Variants in MYO7B observed in about 807,000 individuals in gnomAD.
MYO7B encodes myosin VIIB.
A neutral mutation model predicts 259.7 loss-of-function variants in MYO7B; 212 were observed. That is an observed-to-expected ratio of 0.82 (90% CI 0.73 to 0.91). MYO7B has a LOEUF of 0.91. Ranked by LOEUF, MYO7B falls within the 40% of genes least tolerant of loss-of-function variation. The probability of loss-of-function intolerance (pLI) is 0.00; values close to 1 mark genes in which losing one functional copy is unlikely to be tolerated. For synonymous variants in MYO7B, 1,197 were observed against 1,166.4 expected (o/e 1.03, Z -0.54); for missense variants, 2,732 against 2,813.5 (o/e 0.97, Z 0.66).
At chr2:127,617,062 T>G (rs1316412304) in intron 26 of MYO7B, among the ~76,000 whole-genome samples, 2 of 152,150 alleles carry the variant, frequency 1.3e-5, no homozygotes, top group African/African-American at 4.8e-5. Context: ...GTTACCAAAT[T>G]AGCCATTGCC....
At position 127,609,654 on chromosome 2, in the gene MYO7B, C is replaced by A; in HGVS notation, c.2963C>A (p.Thr988Lys). ...TACTTCCAGAAATCAGCCAGCCACA[C>A]ACACATCCGGCGGCCCCTCCGATAC... ...VTYFQKSASH[T>K]HIRRPLRYPL... Residue 988 changes from threonine (T) to lysine (K), a missense_variant, in exon 23 of 48, where the codon ACA (threonine) becomes AAA (lysine). Transcript: ENST00000409816. This position sits in a 1 kb window ranked among gnomAD's most constrained non-coding sequence, Gnocchi z 6.9. The A allele has an allele frequency of 6.2e-7, 1 of 1,614,012 alleles. No homozygotes were observed. The highest frequency in any genetic ancestry group is 8.5e-7 in the Non-Finnish European group (1 of 1,179,898).
chr2:127,590,296 T>C lies in MYO7B; in HGVS notation c.1992+67T>C. On this transcript the variant is annotated intron_variant, in intron 16 of 47. Coordinates refer to ENST00000409816, the MANE Select transcript of MYO7B (RefSeq NM_001393586.1). This position sits in a 1 kb window ranked among gnomAD's most constrained non-coding sequence, Gnocchi z 4.6. The stretch of plus-strand genomic sequence containing the variant: ...AGGAGGCTGATGGCCTCTAGGGTTG[T>C]GGTCACTCCCTCTGCCAGGGCCTGG... 6.2e-7 allele frequency: 1 copy of C among 1,603,204 alleles called. No homozygotes were observed. Among genetic ancestry groups the C allele is most frequent in the Non-Finnish European group, 8.5e-7 (1 of 1,173,674 alleles).
At chr2:127,569,348 C>G (rs573418066) in intron 5 of MYO7B, among the ~76,000 whole-genome samples, 2 of 152,216 alleles carry the variant, frequency 1.3e-5, no homozygotes, top group Admixed American at 1.3e-4. Context: ...TTTGCAAACT[C>G]CAAAGTGCAG....
chr2:127,620,885 T>A (rs1680810678), intron 27 of MYO7B, among the ~76,000 whole-genome samples: 1 of 152,256 alleles, frequency 6.6e-6, no homozygotes, highest in Admixed American at 6.5e-5. Flanking sequence ...CAAGCTTCAC[T>A]GATTTAATAT....
intron 10 of MYO7B, among the ~76,000 whole-genome samples, chr2:127,581,195 G>C (rs1679084529): frequency 6.6e-6 from 1 of 152,112 alleles, no homozygotes; most frequent in African/African-American, 2.4e-5. Flanking sequence ...CACCCCGCAG[G>C]GCTTCTCCGG....
chr2:127,637,308 C>T lies in MYO7B; in HGVS notation c.6328-8C>T, dbSNP rs1366385329. On this transcript the variant is annotated splice_region_variant and splice_polypyrimidine_tract_variant and intron_variant, in intron 47 of 47. Transcript: ENST00000409816. ...CCACAGCCTCTGACCCCCCCGTCCCCTGTCCAGGGCTATAAGATGGATGAC... is the reference window on the plus strand; with the variant it reads ...CCACAGCCTCTGACCCCCCCGTCCCTTGTCCAGGGCTATAAGATGGATGAC... 8.3e-6 allele frequency: 13 copies of T among 1,571,920 alleles called. No homozygotes were observed. The highest frequency in any genetic ancestry group is 1.2e-5 in the South Asian group (1 of 85,490).
At chr2:127,593,422 G>A (rs1204444739) in intron 17 of MYO7B, 124 bp from the exon 18 acceptor site, 2 of 913,906 alleles carry the variant, frequency 2.2e-6, no homozygotes, top group Non-Finnish European at 3.3e-6. Flanking sequence ...CTGTGCCTGG[G>A]CGGGGGTGGG....
In MYO7B at chr2:127,625,337, C is replaced by T. The variant is rs774356452; in HGVS notation, c.4048-31C>T. 9.4e-6 allele frequency: 14 copies of T among 1,484,368 alleles called. No homozygotes were observed. In the South Asian group the frequency reaches 1.9e-4, roughly 20 times the overall value. The allele number at this position is 1,484,368 out of a possible 1,614,324, so 91.9% of individuals were successfully genotyped here. ...AAGGGGGGAGCTCTCACTTGTCTCA[C>T]TCGCCCCCGTGGGTGCCCTGGGCTG... On this transcript the variant is annotated intron_variant, in intron 30 of 47. Coordinates refer to ENST00000409816, the MANE Select transcript of MYO7B (RefSeq NM_001393586.1).
chr2:127,635,649 T>G (rs1681757928), intron 43 of MYO7B, 73 bp from the exon 44 acceptor site: 1 of 1,470,658 alleles, frequency 6.8e-7, no homozygotes. Flanking sequence ...CCCCACCATC[T>G]GAGCGGGAAA....
intron 9 of MYO7B, among the ~76,000 whole-genome samples, chr2:127,579,138 G>C (rs1278286529): frequency 2.6e-5 from 4 of 152,202 alleles, no homozygotes; most frequent in Admixed American, 2.6e-4. Flanking sequence ...GGAATGGCGG[G>C]AGATGTCAGA....
intron 40 of MYO7B, among the ~76,000 whole-genome samples, chr2:127,633,793 G>A (rs904811218): frequency 6.6e-6 from 1 of 152,180 alleles, no homozygotes; most frequent in African/African-American, 2.4e-5. Context: ...CCGTGACACA[G>A]AGGCCTTGAT....
At position 127,584,705 on chromosome 2, in the gene MYO7B, G is replaced by C; in HGVS notation, c.1555-73G>C. On this transcript the variant is annotated intron_variant, in intron 13 of 47. Transcript: ENST00000409816. The surrounding 1 kb of genome is among the most constrained non-coding windows in gnomAD (Gnocchi z 5.8). Reference sequence around the variant, plus strand: ...GCCCAGATCTCTTTGCCTCCATGAGGAAGTCCCTGAGCCTCACCTCCCCAT... The same window carrying C: ...GCCCAGATCTCTTTGCCTCCATGAGCAAGTCCCTGAGCCTCACCTCCCCAT... 6.4e-7 allele frequency: 1 copy of C among 1,562,828 alleles called. No individual in the cohort carries two copies. Among genetic ancestry groups the C allele is most frequent in the African/African-American group, 1.4e-5 (1 of 73,472 alleles).
Position 127,632,301 on chromosome 2 carries a change from C to G in MYO7B, c.5305C>G (p.Pro1769Ala), listed in dbSNP as rs761027991. The G allele has an allele frequency of 9.3e-6, 15 of 1,611,388 alleles. No individual in the cohort carries two copies. The highest frequency in any genetic ancestry group is 1.3e-5 in the Non-Finnish European group (15 of 1,179,366). Reference protein sequence around the residue: ...LLWLCTGLFPPSKGLLPHAQK... With the variant: ...LLWLCTGLFPASKGLLPHAQK... ...GTGGCTGTGCACGGGCCTCTTCCCG[C>G]CCAGCAAGGGGCTGCTGCCCCATGC... is the stretch of plus-strand genomic sequence containing the variant. The change falls in exon 39 of 48, where the codon CCC becomes GCC. Residue 1769 changes from proline to alanine, a missense_variant. Pro to Ala is a conservative substitution (Grantham distance 27). Coordinates refer to ENST00000409816, the MANE Select transcript of MYO7B (RefSeq NM_001393586.1).
chr2:127,540,750 A>G (rs997949418), intron 1 of MYO7B, among the ~76,000 whole-genome samples: 8 of 152,334 alleles, frequency 5.3e-5, no homozygotes, highest in Non-Finnish European at 1.2e-4. Context: ...TTCAAAGGCT[A>G]TCTCTACAGT....
At position 127,628,987 on chromosome 2, in the gene MYO7B, C is replaced by G. The variant is rs1355176139; in HGVS notation, c.4624+452C>G. Among the ~76,000 whole-genome samples, 1 of 152,200 alleles carries G rather than the reference C, an allele frequency of 6.6e-6. No individual in the cohort carries two copies. The highest frequency in any genetic ancestry group is 1.5e-5 in the Non-Finnish European group (1 of 68,032). ...AGCCTAGTTCTTGGCCACAGCTCTCCCACAAGCCAGCACTCCATCGAGAGC... is the reference window on the plus strand; with the variant it reads ...AGCCTAGTTCTTGGCCACAGCTCTCGCACAAGCCAGCACTCCATCGAGAGC... On this transcript the variant is annotated intron_variant, in intron 34 of 47. Coordinates refer to ENST00000409816, the MANE Select transcript of MYO7B (RefSeq NM_001393586.1). This position sits in a 1 kb window ranked among gnomAD's most constrained non-coding sequence, Gnocchi z 4.8.
intron 14 of MYO7B, 58 bp from the exon 15 acceptor site, chr2:127,588,334 C>A: frequency 6.3e-7 from 1 of 1,584,196 alleles, no homozygotes; most frequent in Non-Finnish European, 8.6e-7. Flanking sequence ...CTCTTCTTCC[C>A]CATGGGTGGG....
At chr2:127,625,106 C>A (rs1681038426) in intron 30 of MYO7B, among the ~76,000 whole-genome samples, 2 of 152,220 alleles carry the variant, frequency 1.3e-5, no homozygotes, top group South Asian at 4.1e-4. Context: ...CTCAGAGCAA[C>A]CCTGCTGGGT....
At chr2:127,562,121 C>T (rs1292457332) in intron 2 of MYO7B, among the ~76,000 whole-genome samples, 1 of 152,038 alleles carries the variant, frequency 6.6e-6, no homozygotes, top group Non-Finnish European at 1.5e-5. Flanking sequence ...CCCTTAGGAC[C>T]TTATTTAACC....
chr2:127,637,076 C>G (rs1466641525), intron 47 of MYO7B, 163 bp downstream of exon 47: 5 of 1,309,322 alleles, frequency 3.8e-6, no homozygotes, highest in Non-Finnish European at 5.3e-6. Flanking sequence ...TCCCCAGGAC[C>G]AGCAGCCAAG....
Sources: allele counts gnomAD v4.1 joint callset (sites outside exome capture counted in the v4.1 genomes callset), GRCh38; gene constraint gnomAD v4.1.1; non-coding constraint Gnocchi (gnomAD v3.1); transcripts MANE v1.5; gene names NCBI Gene and HGNC (gene_info 2026-07-23, HGNC 2026-07-21).